CYB5R4: variants seen among roughly 807,000 people sequenced by gnomAD.
CYB5R4 encodes the protein cytochrome b5 reductase 4.
A neutral mutation model predicts 70.2 loss-of-function variants in CYB5R4; 55 were observed. The observed-to-expected ratio is 0.78, with a 90% CI of 0.63 to 0.98. The LOEUF (loss-of-function observed/expected upper bound fraction) is 0.98, where lower values mean the gene tolerates loss of function less well. Ranked by LOEUF, CYB5R4 falls within the 50% of genes least tolerant of loss-of-function variation. The pLI, the probability that CYB5R4 is intolerant of heterozygous loss-of-function variation, is 0.00. For synonymous variants in CYB5R4, 197 were observed against 199.5 expected (o/e 0.99, Z 0.11); for missense variants, 562 against 612.6 (o/e 0.92, Z 0.87).
chr6:83,902,955 A>C (rs145665016), intron 3 of CYB5R4, among the ~76,000 whole-genome samples: 3 of 152,256 alleles, frequency 2.0e-5, no homozygotes, highest in African/African-American at 7.2e-5. Flanking sequence ...TAAATACAAA[A>C]TAGTATTTGT....
At chr6:83,897,211 T>G (rs1446208382) in intron 3 of CYB5R4, among the ~76,000 whole-genome samples, 2 of 152,176 alleles carry the variant, frequency 1.3e-5, no homozygotes, top group African/African-American at 4.8e-5. Context: ...GTTTCCAGCT[T>G]CATCCATGTC....
chr6:83,871,548 C>T (rs1048256678), intron 2 of CYB5R4, among the ~76,000 whole-genome samples: 4 of 152,028 alleles, frequency 2.6e-5, no homozygotes, highest in Non-Finnish European at 5.9e-5. Flanking sequence ...GATCTGAGGG[C>T]CTTATCTAAC....
chr6:83,947,885 G>A (rs1211187413), intron 14 of CYB5R4, among the ~76,000 whole-genome samples: 1 of 152,052 alleles, frequency 6.6e-6, no homozygotes, highest in Non-Finnish European at 1.5e-5. Context: ...TGCTGGAGAG[G>A]GTGTGGAGAA....
Position 83,963,064 on chromosome 6 carries a change from C to T in CYB5R4, c.*3186C>T, listed in dbSNP as rs1588591447. On this transcript the variant is annotated 3_prime_UTR_variant, in exon 16 of 16. Coordinates refer to ENST00000369681, the MANE Select transcript of CYB5R4 (RefSeq NM_016230.4). The stretch of plus-strand genomic sequence containing the variant: ...TATCCAGATATCCAGGGTAATCTTC[C>T]TATTTTAAAAATCTATAATTTTAAT... The T allele has an allele frequency of 6.6e-6, 1 of 152,250 alleles. No individual in the cohort carries two copies. Among genetic ancestry groups the T allele is most frequent in the East Asian group, 1.9e-4 (1 of 5,178 alleles). 9.4% of individuals were successfully genotyped at this position (152,250 alleles called of 1,614,324 possible). A position where few individuals can be genotyped will look rare whatever the true frequency, so the allele number is the denominator to read the frequency against.
intron 14 of CYB5R4, among the ~76,000 whole-genome samples, chr6:83,942,587 T>C (rs2099469942): frequency 6.6e-6 from 1 of 152,008 alleles, no homozygotes; most frequent in African/African-American, 2.4e-5. Flanking sequence ...TGTACCCCAG[T>C]GGCGCCTGGA....
intron 4 of CYB5R4, among the ~76,000 whole-genome samples, chr6:83,913,628 A>G (rs2099465036): frequency 6.6e-6 from 1 of 152,202 alleles, no homozygotes; most frequent in African/African-American, 2.4e-5. Flanking sequence ...ATATTGGAAC[A>G]CAAAAAATTT....
intron 1 of CYB5R4, among the ~76,000 whole-genome samples, chr6:83,862,299 A>G (rs1247327809): frequency 6.6e-6 from 1 of 152,216 alleles, no homozygotes; most frequent in Non-Finnish European, 1.5e-5. Context: ...TGGTAAACAA[A>G]TACTTATTGA....
chr6:83,916,913 A>T (rs1049802719), intron 5 of CYB5R4, among the ~76,000 whole-genome samples: 6 of 152,122 alleles, frequency 3.9e-5, no homozygotes, highest in Non-Finnish European at 7.4e-5. Context: ...CTAACCATTA[A>T]TTTTTGTTCC....
At chr6:83,922,591 A>G in intron 9 of CYB5R4, 121 bp downstream of exon 9, 2 of 686,910 alleles carry the variant, frequency 2.9e-6, no homozygotes, top group Non-Finnish European at 2.5e-6. Context: ...ATATTTTCAC[A>G]TTGCAAAACA....
chr6:83,951,538 G>C (rs1562847241), intron 14 of CYB5R4, among the ~76,000 whole-genome samples: 1 of 152,110 alleles, frequency 6.6e-6, no homozygotes, highest in Non-Finnish European at 1.5e-5. Flanking sequence ...TGCAGTGTTT[G>C]GTTTTCTGTT....
rs2099465264 is a variant in CYB5R4, at chr6:83,914,917, CCTTATTCCAGCCATTACT to C, written c.445+475_445+492del. Among the ~76,000 whole-genome samples the C allele has an allele frequency of 4.0e-5, 6 of 151,124 alleles. No homozygotes were observed. In the South Asian group the frequency reaches 1.2e-3, roughly 31 times the overall value. On this transcript the variant is annotated intron_variant, in intron 5 of 15. Coordinates refer to ENST00000369681, the MANE Select transcript of CYB5R4 (RefSeq NM_016230.4). Reference sequence around the variant, plus strand: ...AGTCTTTTGTAGGGTTTTATAGGCTCCTTATTCCAGCCATTACTCTTATCGTCGTGCCTTCTGTGACAT... The same window carrying C: ...AGTCTTTTGTAGGGTTTTATAGGCTCCTTATCGTCGTGCCTTCTGTGACAT...
At chr6:83,870,068 A>G (rs1370851893) in intron 2 of CYB5R4, among the ~76,000 whole-genome samples, 1 of 152,222 alleles carries the variant, frequency 6.6e-6, no homozygotes, top group Non-Finnish European at 1.5e-5. Context: ...AACAATATAT[A>G]TTAAAGAAGG....
intron 2 of CYB5R4, among the ~76,000 whole-genome samples, chr6:83,889,005 T>G (rs919166885): frequency 6.6e-6 from 1 of 152,200 alleles, no homozygotes; most frequent in Non-Finnish European, 1.5e-5. Context: ...CAAAACTGAT[T>G]TAGAGCAGAA....
chr6:83,895,157 C>T (rs748317677), intron 3 of CYB5R4, among the ~76,000 whole-genome samples: 35 of 152,096 alleles, frequency 2.3e-4, no homozygotes, highest in African/African-American at 2.4e-5. Flanking sequence ...CTCTGTCTGC[C>T]TGCCTGCTGT....
At chr6:83,922,119 G>A (rs7770348) in intron 8 of CYB5R4, among the ~76,000 whole-genome samples, 7,112 of 152,154 alleles carry the variant, frequency 0.047, 518 homozygotes, top group African/African-American at 0.16. Flanking sequence ...CTGCCTCTCC[G>A]TAGCCTGCTC....
chr6:83,867,450 G>C (rs1372406573), intron 2 of CYB5R4, among the ~76,000 whole-genome samples: 1 of 152,216 alleles, frequency 6.6e-6, no homozygotes, highest in Non-Finnish European at 1.5e-5. Context: ...TACTCTTGAA[G>C]GGATTTGAAT....
At chr6:83,888,220 A>T (rs2099460547) in intron 2 of CYB5R4, among the ~76,000 whole-genome samples, 1 of 152,212 alleles carries the variant, frequency 6.6e-6, no homozygotes, top group Non-Finnish European at 1.5e-5. Flanking sequence ...AACCAGGTGG[A>T]ACTCATAGAA....
intron 9 of CYB5R4, among the ~76,000 whole-genome samples, chr6:83,922,893 A>G (rs1433656871): frequency 6.6e-6 from 1 of 151,980 alleles, no homozygotes; most frequent in Non-Finnish European, 1.5e-5. Context: ...GGCTGAAGTG[A>G]TCCTCCCGTC....
Position 83,962,728 on chromosome 6 carries a change from C to T in CYB5R4, c.*2850C>T, listed in dbSNP as rs1184896602. ...AGTCCCTAGATAAGAGTTCTTTCAG[C>T]CTCATTAGGTAGATTTCAGTTCCTT... On this transcript the variant is annotated 3_prime_UTR_variant, in exon 16 of 16. Coordinates refer to ENST00000369681, the MANE Select transcript of CYB5R4 (RefSeq NM_016230.4). 1.3e-5 allele frequency: 2 copies of T among 152,180 alleles called. No homozygotes were observed. The highest frequency in any genetic ancestry group is 4.8e-5 in the African/African-American group (2 of 41,442). The allele number at this position is 152,180 out of a possible 1,614,324, so 9.4% of individuals were successfully genotyped here.
Sources: allele counts gnomAD v4.1 joint callset (sites outside exome capture counted in the v4.1 genomes callset), GRCh38; gene constraint gnomAD v4.1.1; transcripts MANE v1.5; gene names NCBI Gene and HGNC (gene_info 2026-07-23, HGNC 2026-07-21).